The following AGBL1 variants were observed in gnomAD, a reference collection of about 807,000 sequenced individuals.
AGBL1 encodes the protein cytosolic carboxypeptidase 4.
In AGBL1, 130 loss-of-function variants were observed where a neutral mutation model predicts 118.9. That is an observed-to-expected ratio of 1.09 (90% CI 0.95 to 1.26). The LOEUF (loss-of-function observed/expected upper bound fraction) is 1.26. Ranked by LOEUF, AGBL1 falls within the 50% of genes most tolerant of loss-of-function variation. The pLI is 0.00. For synonymous variants in AGBL1, 555 were observed against 478.9 expected, an observed-to-expected ratio of 1.16 and a Z score of -2.08; for missense variants, 1,584 against 1,298.1, an observed-to-expected ratio of 1.22 and a Z score of -3.38.
rs1039303236 is a variant in AGBL1, at chr15:87,016,127, G to A, written c.3324-12698G>A. 4.6e-5 allele frequency among the ~76,000 whole-genome samples: 7 copies of A among 152,088 alleles called. 1 individual carries two copies. Among genetic ancestry groups the A allele is most frequent in the Middle Eastern group, 3.2e-3 (1 of 316 alleles). ...TTTAATTTAATGCTTTCCATATCAC[G>A]TCATCATGACAGTCCCCTCCAATTC... On this transcript the variant is annotated intron_variant, in intron 24 of 24. Coordinates refer to the AGBL1 transcript ENST00000441037.
intron 22 of AGBL1, among the ~76,000 whole-genome samples, chr15:86,838,180 T>TAAAAA (rs36126026): frequency 6.8e-6 from 1 of 146,076 alleles, no homozygotes. Flanking sequence ...CTCTGTAACC[T>TAAAAA]AAAAAAAAAA....
intron 22 of AGBL1, among the ~76,000 whole-genome samples, chr15:86,683,505 A>C (rs899744557): frequency 6.6e-6 from 1 of 152,186 alleles, no homozygotes; most frequent in African/African-American, 2.4e-5. Context: ...CTATTTTACA[A>C]GTGACTCCAT....
At chr15:86,730,983 A>G (rs985766254) in intron 22 of AGBL1, among the ~76,000 whole-genome samples, 60 of 152,082 alleles carry the variant, frequency 3.9e-4, no homozygotes, top group African/African-American at 1.3e-3. Flanking sequence ...ATATGCCACC[A>G]TGCCAAGCTA....
intron 21 of AGBL1, among the ~76,000 whole-genome samples, chr15:86,586,801 G>T (rs1465197055): frequency 6.6e-6 from 1 of 152,152 alleles, no homozygotes; most frequent in Non-Finnish European, 1.5e-5. Context: ...GCACTTGGTT[G>T]AAAGAGTTAA....
chr15:86,335,259 C>T (rs2080346374), intron 17 of AGBL1, among the ~76,000 whole-genome samples: 1 of 152,098 alleles, frequency 6.6e-6, no homozygotes, highest in Admixed American at 6.5e-5. Context: ...CTGCCTCAGC[C>T]TCCCGAGTAG....
chr15:86,369,660 T>C (rs1175760548), intron 17 of AGBL1, among the ~76,000 whole-genome samples: 1 of 152,140 alleles, frequency 6.6e-6, no homozygotes, highest in African/African-American at 2.4e-5. Context: ...TCTCCATCTC[T>C]GCTAACAAGA....
chr15:86,933,216 G>T (rs1596647841), intron 23 of AGBL1, among the ~76,000 whole-genome samples: 1 of 152,284 alleles, frequency 6.6e-6, no homozygotes, highest in East Asian at 1.9e-4. Flanking sequence ...CTTACAGGCT[G>T]GCTGTCCCTG....
At chr15:86,811,054 A>C (rs1049185425) in intron 22 of AGBL1, among the ~76,000 whole-genome samples, 2 of 151,954 alleles carry the variant, frequency 1.3e-5, no homozygotes, top group Non-Finnish European at 2.9e-5. Flanking sequence ...AGAGAAAGAG[A>C]GAAGATGATG....
At chr15:86,184,614 C>A (rs1302986262) in intron 5 of AGBL1, among the ~76,000 whole-genome samples, 2 of 152,014 alleles carry the variant, frequency 1.3e-5, no homozygotes, top group South Asian at 2.1e-4. Flanking sequence ...ACAAATCAAA[C>A]GTAGATTTGG....
chr15:86,500,392 G>A (rs979421816), intron 18 of AGBL1, among the ~76,000 whole-genome samples: 1 of 151,808 alleles, frequency 6.6e-6, no homozygotes, highest in Non-Finnish European at 1.5e-5. Context: ...TTCTAGTATG[G>A]AAATAGGTAG....
At chr15:86,566,344 C>G (rs1049450106) in intron 21 of AGBL1, among the ~76,000 whole-genome samples, 4 of 152,140 alleles carry the variant, frequency 2.6e-5, no homozygotes, top group African/African-American at 9.7e-5. Context: ...AGGTAGTTTT[C>G]AAGTGACTTT....
chr15:87,025,461 C>T (rs1351912902), intron 24 of AGBL1, among the ~76,000 whole-genome samples: 3 of 151,946 alleles, frequency 2.0e-5, no homozygotes, highest in Non-Finnish European at 4.4e-5. Context: ...AAGACCTCTG[C>T]AAGGAAAACT....
chr15:86,363,215 C>A lies in AGBL1; in HGVS notation c.2375-34151C>A, dbSNP rs878913383. Among the ~76,000 whole-genome samples the A allele has an allele frequency of 2.6e-5, 4 of 152,000 alleles. No individual in the cohort carries two copies. In the East Asian group the frequency reaches 5.8e-4, roughly 22 times the overall value. Reference sequence around the variant, plus strand: ...GCTCCTACAAAGGCACTTTTGTCTGCGGGGAATGATTGCCAGATCAATTTT... The same window carrying A: ...GCTCCTACAAAGGCACTTTTGTCTGAGGGGAATGATTGCCAGATCAATTTT... On this transcript the variant is annotated intron_variant, in intron 17 of 22. Transcript: ENST00000614907.
rs928214589 is a variant in AGBL1, at chr15:86,396,243, G to GTGTATATA, written c.2375-1122_2375-1121insGTATATAT. Among the ~76,000 whole-genome samples, 296 of 126,620 alleles carry GTGTATATA rather than the reference G, an allele frequency of 2.3e-3. 2 individuals are homozygous for GTGTATATA. The highest frequency in any genetic ancestry group is 6.4e-3 in the African/African-American group (206 of 32,408). The allele number at this position is 126,620 out of a possible 152,430, so 83.1% of individuals were successfully genotyped here. ...TATATATATGTGTGTGTGTGTGTGT[G>GTGTATATA]TATATATATATATATATATACACAC... On this transcript the variant is annotated intron_variant, in intron 17 of 22. Coordinates refer to ENST00000614907, the MANE Select transcript of AGBL1 (RefSeq NM_001386094.1).
chr15:86,079,911 G>A lies in AGBL1; in HGVS notation c.-62G>A. Reference sequence around the variant, plus strand: ...GGCGGGCAGCGAGGTCAGCTTGGCAGCCGCTGCCTCTCCAGCCTGGATCTG... The same window carrying A: ...GGCGGGCAGCGAGGTCAGCTTGGCAACCGCTGCCTCTCCAGCCTGGATCTG... On this transcript the variant is annotated 5_prime_UTR_variant, in exon 1 of 23. Transcript: ENST00000614907. 8.4e-7 allele frequency: 1 copy of A among 1,197,168 alleles called. No individual in the cohort carries two copies. The highest frequency in any genetic ancestry group is 1.0e-6 in the Non-Finnish European group (1 of 955,580). The allele number at this position is 1,197,168 out of a possible 1,614,324, so 74.2% of individuals were successfully genotyped here.
rs531162649 is a variant in AGBL1, at chr15:86,446,163, C to T, written c.2555+48617C>T. On this transcript the variant is annotated intron_variant, in intron 18 of 22. Coordinates refer to ENST00000614907, the MANE Select transcript of AGBL1 (RefSeq NM_001386094.1). Reference sequence around the variant, plus strand: ...TTCAAGAGGATGAGCTAAAGTGAGTCCCTCCAGCAACCTGCCACTCTCCTG... The same window carrying T: ...TTCAAGAGGATGAGCTAAAGTGAGTTCCTCCAGCAACCTGCCACTCTCCTG... 1.6e-3 allele frequency among the ~76,000 whole-genome samples: 238 copies of T among 152,292 alleles called. 1 individual carries two copies. Among genetic ancestry groups the T allele is most frequent in the African/African-American group, 5.6e-3 (232 of 41,566 alleles).
chr15:86,934,174 G>T (rs2080638301), intron 23 of AGBL1, among the ~76,000 whole-genome samples: 1 of 152,200 alleles, frequency 6.6e-6, no homozygotes, highest in Non-Finnish European at 1.5e-5. Flanking sequence ...GCTGCTGTGA[G>T]CTGGGGAGAG....
intron 6 of AGBL1, among the ~76,000 whole-genome samples, chr15:86,228,432 C>T (rs1440303041): frequency 1.3e-5 from 2 of 152,148 alleles, no homozygotes; most frequent in African/African-American, 2.4e-5. Context: ...TCTGTAATTG[C>T]ATCCCAAAAA....
intron 22 of AGBL1, among the ~76,000 whole-genome samples, chr15:86,699,299 G>A (rs1376844773): frequency 6.6e-6 from 1 of 151,806 alleles, no homozygotes; most frequent in Non-Finnish European, 1.5e-5. Flanking sequence ...TAATATCTCA[G>A]TGTGCATTTC....
Sources: allele counts gnomAD v4.1 joint callset (sites outside exome capture counted in the v4.1 genomes callset), GRCh38; gene constraint gnomAD v4.1.1; transcripts MANE v1.5; gene names NCBI Gene and HGNC (gene_info 2026-07-23, HGNC 2026-07-21).